The following RAB38 variants were observed in gnomAD, a reference collection of about 807,000 sequenced individuals.
RAB38 encodes ras-related protein Rab-38.
Under a neutral mutation model 18.4 loss-of-function variants are expected in RAB38, and 15 were observed. The ratio of observed to expected loss-of-function variants is 0.82; its 90% CI spans 0.55 to 1.26. The LOEUF (loss-of-function observed/expected upper bound fraction) is 1.26, where lower values mean the gene tolerates loss of function less well. RAB38 is among the 50% of genes most tolerant of loss of function. The pLI, the probability that RAB38 is intolerant of heterozygous loss-of-function variation, is 0.00. For missense variants in RAB38, 294 were observed against 267.4 expected (o/e 1.10, Z -0.69); for synonymous variants, 101 against 104.4 (o/e 0.97, Z 0.20).
intron 2 of RAB38, among the ~76,000 whole-genome samples, chr11:88,126,700 T>C (rs1410822231): frequency 2.5e-5 from 1 of 39,646 alleles, no homozygotes; most frequent in Non-Finnish European, 6.3e-5. Flanking sequence ...TAAAGTATAA[T>C]AATAAAAAAA....
the RAB38 span, among the ~76,000 whole-genome samples, chr11:87,827,100 G>T: frequency 6.6e-6 from 1 of 152,030 alleles, no homozygotes; most frequent in Non-Finnish European, 1.5e-5. Context: ...GCCTCTGGTC[G>T]TCAAACAGGG....
chr11:87,948,431 T>A, the RAB38 span, among the ~76,000 whole-genome samples: 26 of 151,956 alleles, frequency 1.7e-4, no homozygotes, highest in Non-Finnish European at 3.1e-4. Flanking sequence ...TCCAACACTA[T>A]GTTGAATAGG....
intron 1 of RAB38, among the ~76,000 whole-genome samples, chr11:88,156,529 C>T (rs1943127648): frequency 6.6e-6 from 1 of 152,012 alleles, no homozygotes; most frequent in African/African-American, 2.4e-5. Flanking sequence ...TAATGAAATC[C>T]CATCTCTAAT....
intron 1 of RAB38, among the ~76,000 whole-genome samples, chr11:88,163,926 A>G (rs1442450554): frequency 6.6e-6 from 1 of 152,082 alleles, no homozygotes; most frequent in Non-Finnish European, 1.5e-5. Flanking sequence ...ATCATCTAGC[A>G]ATGTAAGGTG....
chr11:88,153,981 G>T (rs1943094903), intron 1 of RAB38, among the ~76,000 whole-genome samples: 1 of 152,120 alleles, frequency 6.6e-6, no homozygotes, highest in Non-Finnish European at 1.5e-5. Context: ...TTCCAGGGAG[G>T]GAACATGGGC....
At chr11:88,135,217 A>AGCTCCCCT (rs1942820108) in intron 2 of RAB38, among the ~76,000 whole-genome samples, 2 of 152,194 alleles carry the variant, frequency 1.3e-5, no homozygotes, top group African/African-American at 4.8e-5. Context: ...ATGCCACGCA[A>AGCTCCCCT]GCTCCCCTGC....
chr11:88,135,016 A>C (rs1327283239), intron 2 of RAB38, among the ~76,000 whole-genome samples: 2 of 152,122 alleles, frequency 1.3e-5, no homozygotes, highest in Non-Finnish European at 2.9e-5. Context: ...GCCTCTGCTC[A>C]TGCTATACCC....
intron 2 of RAB38, among the ~76,000 whole-genome samples, chr11:88,121,162 C>G (rs1424033957): frequency 6.6e-6 from 1 of 152,158 alleles, no homozygotes; most frequent in African/African-American, 2.4e-5. Flanking sequence ...GTACTTCGTA[C>G]CCACCTCCAT....
At chr11:87,853,809 G>A in the RAB38 span, among the ~76,000 whole-genome samples, 2 of 152,176 alleles carry the variant, frequency 1.3e-5, no homozygotes, top group Admixed American at 6.5e-5. Flanking sequence ...TTCTCTTACA[G>A]TTTTGTAGGC....
chr11:88,134,382 C>T (rs1052016061), intron 2 of RAB38, among the ~76,000 whole-genome samples: 9 of 151,692 alleles, frequency 5.9e-5, no homozygotes, highest in East Asian at 1.9e-4. Context: ...CGGGGACTAC[C>T]GGTGTCTGCC....
chr11:87,976,640 T>C, the RAB38 span, among the ~76,000 whole-genome samples: 6 of 113,400 alleles, frequency 5.3e-5, no homozygotes, highest in African/African-American at 2.1e-4. Flanking sequence ...TATATGATTT[T>C]ATATGATATA....
chr11:88,175,236 A>T lies in RAB38; in HGVS notation c.149T>A (p.Val50Glu). ...CACAGTCTCCGGGTCCCAGTGGAGC[A>T]CCTTGAGCGCGAAGTCCACGCCGAT... ...ATIGVDFALK[V>E]LHWDPETVVR... The change falls in exon 1 of 3, where the codon GTG becomes GAG. Residue 50 changes from valine (V) to glutamate (E), a missense_variant. Transcript: ENST00000243662. 1 of 1,614,032 alleles carries T rather than the reference A, an allele frequency of 6.2e-7. No individual in the cohort carries two copies.
chr11:88,092,018 G>C, the RAB38 span, among the ~76,000 whole-genome samples: 2 of 151,822 alleles, frequency 1.3e-5, no homozygotes, highest in Non-Finnish European at 2.9e-5. Flanking sequence ...AGCAGTGGTA[G>C]CTTCCAAGTC....
the RAB38 span, among the ~76,000 whole-genome samples, chr11:88,017,004 A>T: frequency 1.3e-5 from 2 of 152,110 alleles, no homozygotes; most frequent in East Asian, 3.8e-4. Flanking sequence ...GAAAGATCAG[A>T]CACTTGGAAG....
the RAB38 span, among the ~76,000 whole-genome samples, chr11:87,843,619 C>T: frequency 6.6e-6 from 1 of 152,176 alleles, no homozygotes; most frequent in South Asian, 2.1e-4. Flanking sequence ...AGCTCCATAG[C>T]TTACTTATGA....
At chr11:87,968,462 C>T in the RAB38 span, among the ~76,000 whole-genome samples, 1 of 152,140 alleles carries the variant, frequency 6.6e-6, no homozygotes, top group Non-Finnish European at 1.5e-5. Flanking sequence ...ATGGACACTT[C>T]TGGGGCTCTT....
the RAB38 span, among the ~76,000 whole-genome samples, chr11:88,006,257 A>T: frequency 5.9e-5 from 9 of 151,626 alleles, no homozygotes; most frequent in Non-Finnish European, 8.9e-5. Flanking sequence ...GACAATTTTT[A>T]AAAAATCGAA....
the RAB38 span, among the ~76,000 whole-genome samples, chr11:88,051,282 A>G: frequency 1.3e-5 from 2 of 152,114 alleles, no homozygotes; most frequent in African/African-American, 4.8e-5. Flanking sequence ...GATTAAGGAT[A>G]AAAAGTAGCT....
the RAB38 span, among the ~76,000 whole-genome samples, chr11:87,951,040 G>A: frequency 7.9e-5 from 12 of 151,964 alleles, 1 homozygote; most frequent in Non-Finnish European, 8.8e-5. Context: ...ACATAGAGTT[G>A]GTCTTTTCAT....
Sources: allele counts gnomAD v4.1 joint callset (sites outside exome capture counted in the v4.1 genomes callset), GRCh38; gene constraint gnomAD v4.1.1; transcripts MANE v1.5; gene names NCBI Gene and HGNC (gene_info 2026-07-23, HGNC 2026-07-21).